The following IKZF4 variants were observed in gnomAD, a reference collection of about 807,000 sequenced individuals.
IKZF4 encodes zinc finger protein Eos.
Under a neutral mutation model 47.7 loss-of-function variants are expected in IKZF4, and 11 were observed. The observed-to-expected ratio is 0.23, with a 90% CI of 0.15 to 0.38. IKZF4 has a LOEUF of 0.38. Among genes scored for constraint, IKZF4 ranks in the 10% least tolerant of loss-of-function variants. The pLI is 1.00. For synonymous variants in IKZF4, 298 were observed against 299.4 expected, an observed-to-expected ratio of 1.00 and a Z score of 0.05; for missense variants, 557 against 784.9, an observed-to-expected ratio of 0.71 and a Z score of 3.47.
upstream of IKZF4, chr12:56,021,036 CTT>C (rs1410504370): frequency 3.8e-5 from 41 of 1,086,528 alleles, no homozygotes; most frequent in South Asian, 5.5e-4. Context: ...CTCTCTCTCT[CTT>C]GCACACACTC....
rs1214249370 is a variant in IKZF4, at chr12:56,013,729, A to G, written c.-214+2235A>G. On this transcript the variant is annotated intron_variant, in intron 2 of 11. Transcript: ENST00000262032. ...GGGAAGGCTGGGCGGGATGTGCTGC[A>G]GGGAGACTTGAGCAAAGAGTAAAGT... Among the ~76,000 whole-genome samples, 3 of 152,174 alleles carry G rather than the reference A, an allele frequency of 2.0e-5. No individual in the cohort carries two copies. The East Asian group carries it at 5.8e-4, about 29-fold the overall frequency.
intron 3 of IKZF4, among the ~76,000 whole-genome samples, chr12:56,025,868 A>C (rs980261066): frequency 6.6e-6 from 1 of 152,144 alleles, no homozygotes; most frequent in Non-Finnish European, 1.5e-5. Flanking sequence ...CTTCATGACA[A>C]GAGAGTAGAG....
intron 1 of IKZF4, among the ~76,000 whole-genome samples, chr12:56,022,626 A>G (rs902354432): frequency 1.3e-5 from 2 of 152,094 alleles, no homozygotes; most frequent in Non-Finnish European, 2.9e-5. Context: ...CATTATACAT[A>G]TATTTTAGCC....
chr12:56,032,400 C>T (rs546927854), intron 5 of IKZF4, 161 bp from the exon 6 acceptor site: 25 of 656,526 alleles, frequency 3.8e-5, no homozygotes, highest in Middle Eastern at 4.3e-4. Flanking sequence ...CATCTGTCCG[C>T]GGTTGCAGTT....
intron 1 of IKZF4, among the ~76,000 whole-genome samples, chr12:56,010,877 G>T (rs1345538780): frequency 6.6e-6 from 1 of 152,092 alleles, no homozygotes; most frequent in African/African-American, 2.4e-5. Context: ...TACCAAATTG[G>T]ATTATCAGAG....
chr12:56,023,858 C>A, intron 2 of IKZF4, 94 bp downstream of exon 2: 1 of 1,529,476 alleles, frequency 6.5e-7, no homozygotes, highest in Non-Finnish European at 8.8e-7. Context: ...TTGCACTCTC[C>A]CTTGCTTTCT....
chr12:56,034,001 G>A (rs554393670), intron 7 of IKZF4, among the ~76,000 whole-genome samples: 1 of 152,140 alleles, frequency 6.6e-6, no homozygotes, highest in South Asian at 2.1e-4. Context: ...CCAGGTTCAC[G>A]CCATTCTCCT....
intron 1 of IKZF4, among the ~76,000 whole-genome samples, chr12:56,009,072 C>G (rs1009141778): frequency 6.6e-6 from 1 of 152,112 alleles, no homozygotes; most frequent in African/African-American, 2.4e-5. Flanking sequence ...GCTTATATGT[C>G]TAATAGTTCC....
At chr12:56,033,535 C>G (rs939141238) in intron 7 of IKZF4, among the ~76,000 whole-genome samples, 11 of 152,124 alleles carry the variant, frequency 7.2e-5, no homozygotes, top group South Asian at 6.2e-4. Flanking sequence ...GTGAAACCCC[C>G]TCTCTACTAA....
At chr12:56,033,072 A>G in intron 6 of IKZF4, 118 bp from the exon 7 acceptor site, 1 of 1,223,946 alleles carries the variant, frequency 8.2e-7, no homozygotes, top group Non-Finnish European at 1.1e-6. Context: ...CCAGTTTCCC[A>G]GGCAACTGGT....
chr12:56,027,934 C>A lies in IKZF4; in HGVS notation c.702C>A (p.Leu234=), dbSNP rs1233354373. ...CRRRDALTGH[L]RTHSVSSPTV... ...GGCGTGATGCACTCACTGGTCACCT[C>A]CGCACACACTCAGGTCAGTGTCTGT... is the stretch of plus-strand genomic sequence containing the variant. The change falls in exon 5 of 8, where the codon CTC becomes CTA. Residue 234 remains leucine (L), a synonymous_variant. Coordinates refer to ENST00000547167, the MANE Select transcript of IKZF4 (RefSeq NM_022465.4). 6.4e-6 allele frequency: 10 copies of A among 1,570,374 alleles called. No individual in the cohort carries two copies. The highest frequency in any genetic ancestry group is 2.7e-5 in the African/African-American group (2 of 74,132).
At chr12:56,019,607 G>A (rs901539686), upstream of IKZF4, among the ~76,000 whole-genome samples, 43 of 152,184 alleles carry the variant, frequency 2.8e-4, no homozygotes, top group Admixed American at 9.8e-4. Context: ...CTCCTGCTCA[G>A]TTAAGCCTAT....
At chr12:56,021,652 C>A in intron 1 of IKZF4, 72 bp downstream of exon 1, 1 of 1,544,934 alleles carries the variant, frequency 6.5e-7, no homozygotes, top group East Asian at 2.4e-5. Flanking sequence ...AATTCAGTAA[C>A]TACTCCCAAG....
Position 56,034,769 on chromosome 12 carries a change from T to A in IKZF4, c.1196T>A (p.Ile399Asn). 1 of 1,614,024 alleles carries A rather than the reference T, an allele frequency of 6.2e-7. No homozygotes were observed. Among genetic ancestry groups the A allele is most frequent in the Non-Finnish European group, 8.5e-7 (1 of 1,179,880 alleles). ...TNCISELTPV[I>N]SSVYTQMQPL... ...TGCATCTCAGAACTCACGCCTGTCA[T>A]CAGCTCTGTCTACACCCAGATGCAG... is the stretch of plus-strand genomic sequence containing the variant. Residue 399 changes from isoleucine (I) to asparagine (N), a missense_variant, in exon 8 of 8, where the codon ATC (isoleucine) becomes AAC (asparagine). Transcript: ENST00000547167.
upstream of IKZF4, chr12:56,020,769 AC>A (rs1892765800): frequency 5.3e-6 from 1 of 187,662 alleles, no homozygotes. Context: ...CTAGCCTGAC[AC>A]CAGACTCTGC....
At position 56,021,439 on chromosome 12, in the gene IKZF4, G is replaced by C. The variant is rs910141042; in HGVS notation, c.-55G>C. On this transcript the variant is annotated 5_prime_UTR_variant, in exon 1 of 8. Transcript: ENST00000547167. ...GTTCCCCTCACTTCCAGGAATCCAC[G>C]CTTCCTGGAAGGTGAGTGGCTGGGC... 2.6e-6 allele frequency: 4 copies of C among 1,554,774 alleles called. No homozygotes were observed. The African/African-American group carries it at 5.5e-5, about 21-fold the overall frequency.
intron 1 of IKZF4, among the ~76,000 whole-genome samples, chr12:56,009,869 G>A (rs567341760): frequency 3.0e-4 from 46 of 152,232 alleles, no homozygotes; most frequent in African/African-American, 9.9e-4. Context: ...TTTTTCCAGT[G>A]AAAATGCAAC....
At chr12:56,029,484 G>T (rs1894569270) in intron 5 of IKZF4, among the ~76,000 whole-genome samples, 2 of 152,142 alleles carry the variant, frequency 1.3e-5, no homozygotes, top group African/African-American at 4.8e-5. Context: ...AAACTTTCCT[G>T]GCTATTTTTC....
intron 2 of IKZF4, among the ~76,000 whole-genome samples, chr12:56,013,666 G>C (rs1891623699): frequency 6.6e-6 from 1 of 152,196 alleles, no homozygotes; most frequent in South Asian, 2.1e-4. Context: ...TGCCTGGCTG[G>C]TTAGGCAGGG....
Sources: allele counts gnomAD v4.1 joint callset (sites outside exome capture counted in the v4.1 genomes callset), GRCh38; gene constraint gnomAD v4.1.1; transcripts MANE v1.5; gene names NCBI Gene and HGNC (gene_info 2026-07-23, HGNC 2026-07-21).